The following PTPRD variants were observed in gnomAD, a reference collection of about 807,000 sequenced individuals.
PTPRD encodes the protein protein tyrosine phosphatase receptor type D.
Under a neutral mutation model 214.5 loss-of-function variants are expected in PTPRD, and 34 were observed. The ratio of observed to expected loss-of-function variants is 0.16; its 90% CI spans 0.12 to 0.21. The LOEUF (loss-of-function observed/expected upper bound fraction) is 0.21, where lower values mean the gene tolerates loss of function less well. Ranked by LOEUF, PTPRD falls within the 10% of genes least tolerant of loss-of-function variation. The pLI is 1.00. For synonymous variants in PTPRD, 1,128 were observed against 845.7 expected (o/e 1.33, Z -5.79); for missense variants, 2,545 against 2,398.7 (o/e 1.06, Z -1.27).
chr9:9,707,813 A>G (rs1185435086), intron 7 of PTPRD, among the ~76,000 whole-genome samples: 1 of 152,094 alleles, frequency 6.6e-6, no homozygotes, highest in Non-Finnish European at 1.5e-5. Context: ...ATAAAGGACT[A>G]TTGAAACCTG....
intron 8 of PTPRD, among the ~76,000 whole-genome samples, chr9:9,514,566 A>T (rs2096789051): frequency 6.6e-6 from 1 of 152,098 alleles, no homozygotes; most frequent in African/African-American, 2.4e-5. Flanking sequence ...GTCCAAGTTA[A>T]AATTGCTAAG....
intron 8 of PTPRD, among the ~76,000 whole-genome samples, chr9:9,436,997 G>T (rs183966601): frequency 6.6e-6 from 1 of 152,074 alleles, no homozygotes; most frequent in East Asian, 1.9e-4. Flanking sequence ...CCTTCTATCC[G>T]TTGTTTGTGT....
chr9:10,177,570 A>G (rs1433646897), intron 3 of PTPRD, among the ~76,000 whole-genome samples: 10 of 151,890 alleles, frequency 6.6e-5, no homozygotes, highest in Admixed American at 6.6e-4. Context: ...AAACAGATGA[A>G]TTAGGAGGCT....
At chr9:9,883,864 T>C (rs1393512169) in intron 5 of PTPRD, among the ~76,000 whole-genome samples, 9 of 152,094 alleles carry the variant, frequency 5.9e-5, no homozygotes, top group Admixed American at 5.9e-4. Flanking sequence ...GCATTTCCAA[T>C]GTCATGCAGC....
chr9:8,970,308 G>T (rs1338760784), intron 11 of PTPRD, among the ~76,000 whole-genome samples: 6 of 151,848 alleles, frequency 4.0e-5, no homozygotes. Flanking sequence ...GCCCTACACA[G>T]TAGAGCTGAA....
intron 10 of PTPRD, among the ~76,000 whole-genome samples, chr9:9,135,858 T>A (rs933863887): frequency 1.3e-5 from 2 of 152,084 alleles, no homozygotes; most frequent in Non-Finnish European, 2.9e-5. Context: ...CAGTTTTCTG[T>A]CATCCCTCTT....
intron 12 of PTPRD, among the ~76,000 whole-genome samples, chr9:8,643,134 G>C (rs1433142038): frequency 6.6e-6 from 1 of 152,156 alleles, no homozygotes; most frequent in Non-Finnish European, 1.5e-5. Context: ...TTTAAATACA[G>C]CTCCCAAAAC....
intron 9 of PTPRD, among the ~76,000 whole-genome samples, chr9:9,363,190 G>A (rs953008956): frequency 8.5e-5 from 9 of 105,798 alleles, no homozygotes; most frequent in African/African-American, 3.3e-4. Flanking sequence ...GTTGTTTCTT[G>A]TTTTTGTCAT....
intron 3 of PTPRD, among the ~76,000 whole-genome samples, chr9:10,154,561 G>T (rs1349600350): frequency 6.6e-6 from 1 of 152,054 alleles, no homozygotes; most frequent in African/African-American, 2.4e-5. Flanking sequence ...GAATGTTATT[G>T]CCTAGGTTGT....
At chr9:9,762,039 C>G (rs2098662179) in intron 6 of PTPRD, among the ~76,000 whole-genome samples, 1 of 152,150 alleles carries the variant, frequency 6.6e-6, no homozygotes, top group African/African-American at 2.4e-5. Flanking sequence ...TGTGGCAGCA[C>G]CACCTCCATA....
chr9:8,791,433 T>C (rs1400735955), intron 11 of PTPRD, among the ~76,000 whole-genome samples: 1 of 151,554 alleles, frequency 6.6e-6, no homozygotes, highest in Non-Finnish European at 1.5e-5. Flanking sequence ...ACCATGTTGG[T>C]CAGGCTGGTC....
intron 12 of PTPRD, among the ~76,000 whole-genome samples, chr9:8,709,514 C>CAAAAA (rs758112672): frequency 7.1e-5 from 4 of 56,276 alleles, no homozygotes; most frequent in African/African-American, 1.5e-4. Flanking sequence ...GACTCCATCT[C>CAAAAA]AAAAAAAAAA....
intron 10 of PTPRD, among the ~76,000 whole-genome samples, chr9:9,073,640 A>G (rs2154411751): frequency 6.6e-6 from 1 of 152,332 alleles, no homozygotes; most frequent in South Asian, 2.1e-4. Flanking sequence ...TCGAGCCTTC[A>G]GATGCAAGAC....
intron 10 of PTPRD, among the ~76,000 whole-genome samples, chr9:9,044,732 A>G (rs1221709390): frequency 6.6e-6 from 1 of 152,042 alleles, no homozygotes; most frequent in Admixed American, 6.6e-5. Context: ...TGCAGTAATT[A>G]CCCTTTAAAC....
chr9:9,662,548 G>C (rs1476890289), intron 7 of PTPRD, among the ~76,000 whole-genome samples: 1 of 151,634 alleles, frequency 6.6e-6, no homozygotes, highest in Admixed American at 6.6e-5. Context: ...TGAAGCAATA[G>C]AGTTTTTTCC....
At chr9:8,628,733 C>A (rs1221448568) in intron 14 of PTPRD, among the ~76,000 whole-genome samples, 1 of 151,912 alleles carries the variant, frequency 6.6e-6, no homozygotes, top group African/African-American at 2.4e-5. Flanking sequence ...GACTTGGGTA[C>A]TTCACGTATT....
intron 3 of PTPRD, among the ~76,000 whole-genome samples, chr9:10,201,400 C>G (rs1387337188): frequency 6.6e-6 from 1 of 151,970 alleles, no homozygotes; most frequent in East Asian, 1.9e-4. Context: ...TAAAGTCCTT[C>G]AACATTGGCA....
chr9:8,820,998 G>A (rs980584888), intron 11 of PTPRD, among the ~76,000 whole-genome samples: 3 of 152,062 alleles, frequency 2.0e-5, no homozygotes, highest in Non-Finnish European at 2.9e-5. Context: ...CATATTAGTC[G>A]CACTTGAAAC....
At chr9:8,663,788 G>A (rs1441940741) in intron 12 of PTPRD, among the ~76,000 whole-genome samples, 4 of 151,746 alleles carry the variant, frequency 2.6e-5, no homozygotes, top group African/African-American at 4.8e-5. Flanking sequence ...ACTGTGCCCA[G>A]CCTTTAATAG....
Sources: allele counts gnomAD v4.1 joint callset (sites outside exome capture counted in the v4.1 genomes callset), GRCh38; gene constraint gnomAD v4.1.1; transcripts MANE v1.5; gene names NCBI Gene and HGNC (gene_info 2026-07-23, HGNC 2026-07-21).